The following NXPH2 variants were observed in gnomAD, a reference collection of about 807,000 sequenced individuals.
The protein encoded by NXPH2 is neurexophilin 2, also known as neurexophilin-2.
In NXPH2, 5 loss-of-function variants were observed where a neutral mutation model predicts 19.8. That is an observed-to-expected ratio of 0.25 (90% CI 0.13 to 0.53). The LOEUF (loss-of-function observed/expected upper bound fraction) is 0.53, where lower values mean the gene tolerates loss of function less well. Ranked by LOEUF, NXPH2 falls within the 20% of genes least tolerant of loss-of-function variation. The probability of loss-of-function intolerance (pLI) is 0.96; values close to 1 mark genes in which losing one functional copy is unlikely to be tolerated. For synonymous variants in NXPH2, 154 were observed against 127.4 expected (o/e 1.21, Z -1.41); for missense variants, 289 against 322.8 (o/e 0.90, Z 0.80).
rs1050921148 is a variant in NXPH2 at position 138,671,456 on chromosome 2, G to A, written c.261C>T (p.Ile87=). The A allele has an allele frequency of 7.4e-6, 12 of 1,613,794 alleles. No homozygotes were observed. In the African/African-American group the frequency reaches 1.5e-4, roughly 20 times the overall value. ...MENFWDWLAN[I]TEIQEPLART... ...TTGCCAATGGCTCCTGAATCTCCGTGATGTTGGCCAGCCAATCCCAAAAGT... is the reference window on the plus strand; with the variant it reads ...TTGCCAATGGCTCCTGAATCTCCGTAATGTTGGCCAGCCAATCCCAAAAGT... Residue 87 remains isoleucine (I), a synonymous_variant, in exon 2 of 2, where the codon ATC becomes ATT. Transcript: ENST00000272641.
intron 1 of NXPH2, among the ~76,000 whole-genome samples, chr2:138,728,178 C>G (rs199585340): frequency 5.6e-5 from 8 of 143,872 alleles, no homozygotes; most frequent in African/African-American, 2.0e-4. Context: ...CTCTCTCTCT[C>G]TGTCTGTCTC....
In NXPH2 at chr2:138,748,616, G is replaced by A. The variant is rs551469679; in HGVS notation, c.51+31575C>T. On this transcript the variant is annotated intron_variant, in intron 1 of 1. Coordinates refer to ENST00000272641, the MANE Select transcript of NXPH2 (RefSeq NM_007226.3). The stretch of plus-strand genomic sequence containing the variant: ...TTCCCTCTCTCTCTCTTACATGCAC[G>A]CACACACATACACACATGCACACAC... Among the ~76,000 whole-genome samples the A allele has an allele frequency of 7.3e-4, 111 of 151,740 alleles. 1 individual carries two copies. The highest frequency in any genetic ancestry group is 2.5e-3 in the African/African-American group (104 of 41,382).
At chr2:138,744,002 C>CAAAA (rs35072611) in intron 1 of NXPH2, among the ~76,000 whole-genome samples, 4,702 of 85,576 alleles carry the variant, frequency 0.055, 287 homozygotes, top group Middle Eastern at 0.15. Context: ...GACTCCATCT[C>CAAAA]AAAAAAAAAA....
chr2:138,688,866 T>C (rs1415696091), intron 1 of NXPH2, among the ~76,000 whole-genome samples: 1 of 152,132 alleles, frequency 6.6e-6, no homozygotes, highest in Non-Finnish European at 1.5e-5. Context: ...TATACTCCTA[T>C]AGTAGCACCT....
At chr2:138,756,100 A>G (rs1681905196) in intron 1 of NXPH2, among the ~76,000 whole-genome samples, 1 of 151,952 alleles carries the variant, frequency 6.6e-6, no homozygotes, top group African/African-American at 2.4e-5. Flanking sequence ...TTTTCTACTT[A>G]TTCAATAATG....
intron 1 of NXPH2, among the ~76,000 whole-genome samples, chr2:138,773,558 T>C (rs1682211408): frequency 6.6e-6 from 1 of 152,198 alleles, no homozygotes; most frequent in Non-Finnish European, 1.5e-5. Context: ...CACATGTGTT[T>C]TTAACAGCCA....
chr2:138,683,182 G>C (rs1416535214), intron 1 of NXPH2, among the ~76,000 whole-genome samples: 1 of 152,148 alleles, frequency 6.6e-6, no homozygotes, highest in African/African-American at 2.4e-5. Context: ...TAATCTAGTA[G>C]ACTGAAATAC....
rs188117774 is a variant in NXPH2, at chr2:138,780,006, G to A, written c.51+185C>T. On this transcript the variant is annotated intron_variant, in intron 1 of 1. Coordinates refer to ENST00000272641, the MANE Select transcript of NXPH2 (RefSeq NM_007226.3). The stretch of plus-strand genomic sequence containing the variant: ...AGCCCCTGAGTCGCCTGTAGATCCC[G>A]TCTATTCCGTTCTTCAATTCTTCCC... Among the ~76,000 whole-genome samples, 3 of 152,224 alleles carry A rather than the reference G, an allele frequency of 2.0e-5. No homozygotes were observed. In the East Asian group the frequency reaches 5.8e-4, roughly 29 times the overall value.
At chr2:138,702,447 T>A (rs1680938805) in intron 1 of NXPH2, among the ~76,000 whole-genome samples, 1 of 152,164 alleles carries the variant, frequency 6.6e-6, no homozygotes, top group Admixed American at 6.5e-5. Context: ...GTGTATTCCA[T>A]ACTTAGGTCC....
At chr2:138,772,136 T>G (rs1252578777) in intron 1 of NXPH2, among the ~76,000 whole-genome samples, 4 of 152,074 alleles carry the variant, frequency 2.6e-5, no homozygotes, top group African/African-American at 7.2e-5. Flanking sequence ...CCTTTTTATC[T>G]TTTCCATCTG....
chr2:138,680,585 C>T (rs562181598), intron 1 of NXPH2, among the ~76,000 whole-genome samples: 38 of 152,014 alleles, frequency 2.5e-4, no homozygotes, highest in Non-Finnish European at 4.1e-4. Context: ...TCATAAGGTC[C>T]CATCTCTTGT....
At chr2:138,718,840 A>G (rs1681233201) in intron 1 of NXPH2, among the ~76,000 whole-genome samples, 1 of 152,206 alleles carries the variant, frequency 6.6e-6, no homozygotes, top group Admixed American at 6.5e-5. Flanking sequence ...TAGACTACAC[A>G]TGGAATACAT....
chr2:138,743,046 C>T (rs1030773077), intron 1 of NXPH2, among the ~76,000 whole-genome samples: 12 of 152,162 alleles, frequency 7.9e-5, no homozygotes, highest in Admixed American at 3.3e-4. Context: ...CTCTGATAAA[C>T]AGTTGTAGCT....
At chr2:138,674,866 A>G (rs1680462574) in intron 1 of NXPH2, among the ~76,000 whole-genome samples, 1 of 152,172 alleles carries the variant, frequency 6.6e-6, no homozygotes, top group Non-Finnish European at 1.5e-5. Context: ...GTATTTAATG[A>G]GATTCACCCT....
chr2:138,730,665 C>G (rs552629195), intron 1 of NXPH2, among the ~76,000 whole-genome samples: 2 of 152,280 alleles, frequency 1.3e-5, no homozygotes, highest in East Asian at 3.9e-4. Flanking sequence ...AAGAGTCAGA[C>G]ATGATCAAAG....
intron 1 of NXPH2, among the ~76,000 whole-genome samples, chr2:138,750,945 G>T (rs1435135918): frequency 6.6e-6 from 1 of 151,982 alleles, no homozygotes; most frequent in Non-Finnish European, 1.5e-5. Flanking sequence ...TCTGGGCTCA[G>T]ATCAAATGCC....
At chr2:138,724,332 T>C (rs13393540) in intron 1 of NXPH2, among the ~76,000 whole-genome samples, 30,589 of 152,220 alleles carry the variant, frequency 0.2, 3,213 homozygotes, top group African/African-American at 0.25. Flanking sequence ...CCATTTAGCA[T>C]GACTCTGTTT....
At chr2:138,735,672 GTCT>G (rs1254684762) in intron 1 of NXPH2, among the ~76,000 whole-genome samples, 1 of 152,166 alleles carries the variant, frequency 6.6e-6, no homozygotes, top group Non-Finnish European at 1.5e-5. Context: ...AACCAATCAT[GTCT>G]TCCCAAAAGT....
chr2:138,671,702 T>C (rs1344756950), intron 1 of NXPH2, 37 bp from the exon 2 acceptor site: 1 of 1,514,390 alleles, frequency 6.6e-7, no homozygotes, highest in Admixed American at 2.3e-5. Context: ...AACTTTAGGT[T>C]AGTGCCGTGA....
Sources: gnomAD v4.1 joint callset for allele counts (sites outside exome capture counted in the v4.1 genomes callset) on GRCh38, gnomAD v4.1.1 for gene constraint, MANE v1.5 for transcripts, NCBI Gene and HGNC (gene_info 2026-07-23, HGNC 2026-07-21) for gene names.